Variants in MYO1D observed in about 807,000 individuals in gnomAD.
The protein encoded by MYO1D is unconventional myosin-Id.
A neutral mutation model predicts 122.0 loss-of-function variants in MYO1D; 83 were observed. The observed-to-expected ratio is 0.68, with a 90% CI of 0.57 to 0.82. MYO1D has a LOEUF of 0.82. MYO1D is among the 40% of genes least tolerant of loss of function. The pLI is 0.00. For synonymous variants in MYO1D, 464 were observed against 446.9 expected (o/e 1.04, Z -0.48); for missense variants, 1,157 against 1,269.5 (o/e 0.91, Z 1.35).
intron 1 of MYO1D, among the ~76,000 whole-genome samples, chr17:32,847,863 A>C (rs2090951650): frequency 6.6e-6 from 1 of 152,182 alleles, no homozygotes. Context: ...AAACCAAAGA[A>C]AGCTTAATAT....
At chr17:32,565,253 C>T (rs1052229523) in intron 21 of MYO1D, among the ~76,000 whole-genome samples, 8 of 152,228 alleles carry the variant, frequency 5.3e-5, no homozygotes, top group African/African-American at 1.9e-4. Flanking sequence ...ATCCTCCTGC[C>T]TCGGCCTCCC....
At chr17:32,762,012 A>G (rs1779056487) in intron 8 of MYO1D, among the ~76,000 whole-genome samples, 1 of 151,868 alleles carries the variant, frequency 6.6e-6, no homozygotes, top group African/African-American at 2.4e-5. Context: ...CTTGCCCCCC[A>G]CCTCGCAGAT....
At chr17:32,633,874 CA>C (rs1233370637) in intron 20 of MYO1D, among the ~76,000 whole-genome samples, 1 of 152,216 alleles carries the variant, frequency 6.6e-6, no homozygotes, top group East Asian at 1.9e-4. Context: ...ACACACCTCA[CA>C]CGTTCTATCT....
At chr17:32,816,083 T>G (rs753328525) in intron 1 of MYO1D, among the ~76,000 whole-genome samples, 1 of 152,190 alleles carries the variant, frequency 6.6e-6, no homozygotes, top group Non-Finnish European at 1.5e-5. Flanking sequence ...AATCCATTCA[T>G]CTATCAGTCA....
chr17:32,653,587 C>G (rs1382020417), intron 19 of MYO1D, among the ~76,000 whole-genome samples: 4 of 107,126 alleles, frequency 3.7e-5, no homozygotes, highest in Non-Finnish European at 5.3e-5. Flanking sequence ...GCCTGGACAA[C>G]ATGAGTAAAA....
rs149166163 is a variant in MYO1D at position 32,575,676 on chromosome 17, C to T, written c.2864+29411G>A. ...TGTGTTTCTCCTAACTTTGTTTTCA[C>T]TCCATTATGTTTCAATGGCTCCTGC... On this transcript the variant is annotated intron_variant, in intron 21 of 21. Transcript: ENST00000318217. Among the ~76,000 whole-genome samples, 40 of 152,314 alleles carry T rather than the reference C, an allele frequency of 2.6e-4. No individual in the cohort carries two copies. The East Asian group carries it at 6.7e-3, about 26-fold the overall frequency.
chr17:32,712,881 T>A (rs1444172205), intron 15 of MYO1D, among the ~76,000 whole-genome samples: 3 of 152,090 alleles, frequency 2.0e-5, no homozygotes. Flanking sequence ...TGTGGTCTAA[T>A]CTCAAAAGTG....
intron 21 of MYO1D, among the ~76,000 whole-genome samples, chr17:32,566,360 G>C (rs960489642): frequency 6.6e-6 from 1 of 152,158 alleles, no homozygotes; most frequent in Non-Finnish European, 1.5e-5. Context: ...GAAGATGCAC[G>C]GGGGCTTGGG....
At chr17:32,719,559 C>T (rs1406018283) in intron 15 of MYO1D, among the ~76,000 whole-genome samples, 2 of 152,008 alleles carry the variant, frequency 1.3e-5, no homozygotes, top group African/African-American at 2.4e-5. Context: ...ACCTTGTTAG[C>T]CAGGATGGTC....
intron 5 of MYO1D, among the ~76,000 whole-genome samples, chr17:32,771,687 T>C (rs1005016570): frequency 3.3e-5 from 5 of 152,204 alleles, no homozygotes; most frequent in African/African-American, 1.2e-4. Flanking sequence ...CATCAATCTG[T>C]ACCTCTCAGG....
intron 4 of MYO1D, among the ~76,000 whole-genome samples, chr17:32,773,530 A>T (rs1598087243): frequency 5.3e-5 from 5 of 94,336 alleles, no homozygotes; most frequent in Admixed American, 1.2e-4. Context: ...CCCACTCCCT[A>T]CCCCCACCCC....
At chr17:32,825,771 C>T (rs1414182843) in intron 1 of MYO1D, among the ~76,000 whole-genome samples, 1 of 152,038 alleles carries the variant, frequency 6.6e-6, no homozygotes, top group Non-Finnish European at 1.5e-5. Context: ...GGTGTGGTAG[C>T]TCATGCCTCT....
intron 20 of MYO1D, among the ~76,000 whole-genome samples, chr17:32,636,493 A>T (rs2088101275): frequency 6.6e-6 from 1 of 152,232 alleles, no homozygotes; most frequent in Non-Finnish European, 1.5e-5. Context: ...TGACAGGTCT[A>T]GTTGGAAGTT....
rs2087546547 is a variant in MYO1D at position 32,600,166 on chromosome 17, G to A, written c.2864+4921C>T. ...TTTCTGAGCAGCAGGTCTCAACAGT[G>A]GGCTTAAAATATTCAGCAAACTATG... On this transcript the variant is annotated intron_variant, in intron 21 of 21. Coordinates refer to ENST00000318217, the MANE Select transcript of MYO1D (RefSeq NM_015194.3). Among the ~76,000 whole-genome samples the A allele has an allele frequency of 3.3e-5, 5 of 152,186 alleles. No homozygotes were observed. In the South Asian group the frequency reaches 1.0e-3, roughly 31 times the overall value.
chr17:32,720,961 T>C (rs2089502612), intron 15 of MYO1D, 62 bp downstream of exon 15: 18 of 1,503,900 alleles, frequency 1.2e-5, no homozygotes, highest in Non-Finnish European at 1.5e-5. Context: ...TGATGCACTA[T>C]TGTACGGGGA....
chr17:32,786,656 C>T (rs971792916), intron 1 of MYO1D, among the ~76,000 whole-genome samples: 5 of 152,144 alleles, frequency 3.3e-5, no homozygotes, highest in Non-Finnish European at 5.9e-5. Flanking sequence ...GCCGGCTCTA[C>T]TAAAAATACA....
At chr17:32,685,257 G>C (rs76220210) in intron 16 of MYO1D, among the ~76,000 whole-genome samples, 6,012 of 152,172 alleles carry the variant, frequency 0.04, 353 homozygotes, top group African/African-American at 0.13. Flanking sequence ...ATTGTATACT[G>C]GTTCTCAAAT....
chr17:32,726,196 A>G (rs1364190005), intron 14 of MYO1D, among the ~76,000 whole-genome samples: 1 of 152,192 alleles, frequency 6.6e-6, no homozygotes, highest in African/African-American at 2.4e-5. Flanking sequence ...AGGTGGGCAG[A>G]TAAGTTGAGG....
intron 19 of MYO1D, among the ~76,000 whole-genome samples, chr17:32,645,608 A>AC (rs2088279434): frequency 1.3e-5 from 2 of 150,186 alleles, no homozygotes; most frequent in South Asian, 2.1e-4. Context: ...GTTTCTTTTT[A>AC]TTTTTTTTTC....
Sources: allele counts gnomAD v4.1 joint callset (sites outside exome capture counted in the v4.1 genomes callset), GRCh38; gene constraint gnomAD v4.1.1; transcripts MANE v1.5; gene names NCBI Gene and HGNC (gene_info 2026-07-23, HGNC 2026-07-21).